TMEM120A: variants seen among roughly 807,000 people sequenced by gnomAD.
TMEM120A encodes the protein ion channel TACAN.
TMEM120A carries 45 observed loss-of-function variants against 54.3 expected under a neutral mutation model. The ratio of observed to expected loss-of-function variants is 0.83; its 90% CI spans 0.65 to 1.06. The LOEUF (loss-of-function observed/expected upper bound fraction) is 1.06, where lower values mean the gene tolerates loss of function less well. TMEM120A is among the 50% of genes least tolerant of loss of function. The probability of loss-of-function intolerance (pLI) is 0.00; values close to 1 mark genes in which losing one functional copy is unlikely to be tolerated. For missense variants in TMEM120A, 424 were observed against 441.7 expected, an observed-to-expected ratio of 0.96 and a Z score of 0.36; for synonymous variants, 204 against 178.5, an observed-to-expected ratio of 1.14 and a Z score of -1.14.
intron 3 of TMEM120A, among the ~76,000 whole-genome samples, chr7:75,990,897 CAAAAAA>C (rs782090391): frequency 2.0e-4 from 9 of 45,584 alleles, no homozygotes; most frequent in Middle Eastern, 0.014. Flanking sequence ...GACTCTGTCT[CAAAAAA>C]AAAAAAAAAA....
At chr7:75,991,841 G>A (rs77877022) in intron 3 of TMEM120A, among the ~76,000 whole-genome samples, 13 of 152,166 alleles carry the variant, frequency 8.5e-5, no homozygotes, top group African/African-American at 2.9e-4. Context: ...CACCACGCCC[G>A]GCCCACTCTT....
Position 75,987,291 on chromosome 7 carries a change from G to A in TMEM120A, c.919-6C>T, listed in dbSNP as rs374089322. ...GGAAAGCCGCACATAAGCACCTGCC[G>A]GAGGAATAGGGTGAGGGCTGGACAT... On this transcript the variant is annotated splice_polypyrimidine_tract_variant and splice_region_variant and intron_variant, in intron 11 of 11. Coordinates refer to ENST00000493111, the MANE Select transcript of TMEM120A (RefSeq NM_031925.3). 3.3e-4 allele frequency: 524 copies of A among 1,590,130 alleles called. No homozygotes were observed. The highest frequency in any genetic ancestry group is 4.1e-4 in the Non-Finnish European group (485 of 1,169,310).
chr7:75,987,451 A>ACTC, intron 10 of TMEM120A, 23 bp from the exon 11 acceptor site: 2 of 1,559,152 alleles, frequency 1.3e-6, no homozygotes, highest in Non-Finnish European at 1.7e-6. Context: ...GAGGCATTTT[A>ACTC]CTCAGAAGAC....
intron 1 of TMEM120A, 73 bp from the exon 2 acceptor site, chr7:75,992,630 G>T: frequency 1.7e-6 from 2 of 1,145,492 alleles, no homozygotes; most frequent in Non-Finnish European, 2.5e-6. Context: ...AGGACGTGGC[G>T]CTCAGGCTCC....
At position 75,992,425 on chromosome 7, in the gene TMEM120A, T is replaced by C; in HGVS notation, c.200+14A>G. The C allele has an allele frequency of 6.4e-7, 1 of 1,552,788 alleles. No individual in the cohort carries two copies. Among genetic ancestry groups the C allele is most frequent in the Non-Finnish European group, 8.7e-7 (1 of 1,150,200 alleles). The stretch of plus-strand genomic sequence containing the variant: ...CACACTCTGCCCATGGCGGGTGGGG[T>C]AGGGGATCCTAACTTCTTCAGGGCG... On this transcript the variant is annotated intron_variant, in intron 2 of 11. Transcript: ENST00000493111.
At chr7:75,991,498 C>T (rs181519018) in intron 3 of TMEM120A, among the ~76,000 whole-genome samples, 138 of 152,256 alleles carry the variant, frequency 9.1e-4, no homozygotes, top group African/African-American at 3.0e-3. Flanking sequence ...CTCCGCCTCC[C>T]GGGTTCAAGT....
rs1554561235 is a variant in TMEM120A at position 75,989,112 on chromosome 7, GGGGC to G, written c.377+49_377+52del. On this transcript the variant is annotated intron_variant, in intron 4 of 11. Transcript: ENST00000493111. ...GAGGTTGAGGGGGGGAGGGGGGTAG[GGGGC>G]TAGGGGTGGAGGGGTGGAGGTTGGG... is the stretch of plus-strand genomic sequence containing the variant. 359 of 473,086 alleles carry G rather than the reference GGGGC, an allele frequency of 7.6e-4. 10 individuals carry two copies. Among genetic ancestry groups the G allele is most frequent in the African/African-American group, 4.8e-3 (109 of 22,670 alleles). 29.3% of individuals were successfully genotyped at this position (473,086 alleles called of 1,614,324 possible). A position where few individuals can be genotyped will look rare whatever the true frequency, so the allele number is the denominator to read the frequency against.
chr7:75,990,076 A>C (rs1789776899), intron 3 of TMEM120A, among the ~76,000 whole-genome samples: 1 of 152,130 alleles, frequency 6.6e-6, no homozygotes, highest in African/African-American at 2.4e-5. Context: ...TGGGACAGCC[A>C]TGCTTCTCCC....
In TMEM120A at chr7:75,989,011, G is replaced by GAA. The variant is rs1789710373; in HGVS notation, c.377+153_377+154insTT. 1.8e-4 allele frequency among the ~76,000 whole-genome samples: 2 copies of GAA among 11,062 alleles called. 1 individual carries two copies. Among genetic ancestry groups the GAA allele is most frequent in the Non-Finnish European group, 5.3e-4 (2 of 3,776 alleles). The allele number at this position is 11,062 out of a possible 152,430, so 7.3% of individuals were successfully genotyped here. On this transcript the variant is annotated intron_variant, in intron 4 of 11. Transcript: ENST00000493111. Reference sequence around the variant, plus strand: ...GGTGGAGGGGAAGGCCGGGTGGGGTGGGGGGTGGAGGGGAAGGCCGGGTTG... The same window carrying GAA: ...GGTGGAGGGGAAGGCCGGGTGGGGTGAAGGGGGTGGAGGGGAAGGCCGGGTTG...
At chr7:75,992,076 AGAG>A (rs1203691488) in intron 3 of TMEM120A, 65 bp downstream of exon 3, 23 of 1,155,312 alleles carry the variant, frequency 2.0e-5, no homozygotes, top group Middle Eastern at 2.1e-4. Context: ...ATAATGACCA[AGAG>A]GAGGCAGCAC....
chr7:75,988,455 T>G lies in TMEM120A; in HGVS notation c.439A>C (p.Ile147Leu), dbSNP rs1789647948. 1 of 1,610,242 alleles carries G rather than the reference T, an allele frequency of 6.2e-7. No homozygotes were observed. The highest frequency in any genetic ancestry group is 2.2e-5 in the East Asian group (1 of 44,608). Residue 147 changes from isoleucine to leucine, a missense_variant, in exon 5 of 12, where the codon ATC (isoleucine) becomes CTC (leucine). Coordinates refer to ENST00000493111, the MANE Select transcript of TMEM120A (RefSeq NM_031925.3). ...KLYLTIILIL[I>L]SFTCRFLLNS... ...AGCAGGAAGCGGCAAGTGAAGGAGA[T>G]GAGGATGAGGATGATGGTGAGGTAG...
chr7:75,988,595 C>T, intron 4 of TMEM120A, 79 bp from the exon 5 acceptor site: 1 of 883,854 alleles, frequency 1.1e-6, no homozygotes, highest in South Asian at 1.3e-5. Context: ...GGCAGCTGAG[C>T]CAAGGGTAGT....
At position 75,986,833 on chromosome 7, in the gene TMEM120A, G is replaced by A; in HGVS notation, c.*339C>T. Reference sequence around the variant, plus strand: ...TAATTTTAAATAACCTCTGGCCCTTGGAATAAAGTTCTGTTTTCTGTATTT... The same window carrying A: ...TAATTTTAAATAACCTCTGGCCCTTAGAATAAAGTTCTGTTTTCTGTATTT... On this transcript the variant is annotated 3_prime_UTR_variant, in exon 12 of 12. Coordinates refer to ENST00000493111, the MANE Select transcript of TMEM120A (RefSeq NM_031925.3). The A allele has an allele frequency of 1.8e-6, 1 of 571,230 alleles. No homozygotes were observed. Among genetic ancestry groups the A allele is most frequent in the Non-Finnish European group, 3.1e-6 (1 of 324,830 alleles). 35.4% of individuals were successfully genotyped at this position (571,230 alleles called of 1,614,324 possible).
chr7:75,994,178 G>A (rs1429821579), intron 1 of TMEM120A, among the ~76,000 whole-genome samples: 1 of 152,192 alleles, frequency 6.6e-6, no homozygotes, highest in Non-Finnish European at 1.5e-5. Context: ...CCCAAGGCTG[G>A]GCCCGCCCGT....
Position 75,988,448 on chromosome 7 carries a change from A to C in TMEM120A, c.446T>G (p.Phe149Cys), listed in dbSNP as rs372405984. 52 of 1,610,890 alleles carry C rather than the reference A, an allele frequency of 3.2e-5. No homozygotes were observed. The Middle Eastern group carries it at 6.6e-4, about 21-fold the overall frequency. Residue 149 changes from phenylalanine (F) to cysteine (C), a missense_variant, in exon 5 of 12, where the codon TTC becomes TGC. By Grantham distance (205) the Phe-to-Cys change is radical. Transcript: ENST00000493111. The stretch of plus-strand genomic sequence containing the variant: ...GGAGTTGAGCAGGAAGCGGCAAGTG[A>C]AGGAGATGAGGATGAGGATGATGGT... ...YLTIILILIS[F>C]TCRFLLNSRV...
intron 4 of TMEM120A, 32 bp from the exon 5 acceptor site, chr7:75,988,548 G>A (rs782805866): frequency 7.8e-6 from 12 of 1,529,214 alleles, no homozygotes; most frequent in Non-Finnish European, 8.9e-7. Flanking sequence ...GACGGGTGGG[G>A]TGCTGGTGGG....
At chr7:75,994,331 G>A (rs2116680415) in intron 1 of TMEM120A, among the ~76,000 whole-genome samples, 159 bp downstream of exon 1, 1 of 152,274 alleles carries the variant, frequency 6.6e-6, no homozygotes, top group East Asian at 1.9e-4. Context: ...GGTGGCAGTG[G>A]ACACCAGGAC....
chr7:75,987,498 CG>C, intron 10 of TMEM120A, 39 bp downstream of exon 10: 1 of 1,390,328 alleles, frequency 7.2e-7, no homozygotes, highest in Non-Finnish European at 9.4e-7. Context: ...GCGCAGAGGA[CG>C]GACAGACAGA....
At chr7:75,989,975 C>T (rs1264400903) in intron 3 of TMEM120A, among the ~76,000 whole-genome samples, 1 of 152,174 alleles carries the variant, frequency 6.6e-6, no homozygotes, top group Admixed American at 6.5e-5. Flanking sequence ...CAGCACCTGC[C>T]CCAGACACAT....
Sources: allele counts gnomAD v4.1 joint callset (sites outside exome capture counted in the v4.1 genomes callset), GRCh38; gene constraint gnomAD v4.1.1; transcripts MANE v1.5; gene names NCBI Gene and HGNC (gene_info 2026-07-23, HGNC 2026-07-21).